TBC1D31: variants seen among roughly 807,000 people sequenced by gnomAD.
The protein encoded by TBC1D31 is TBC1 domain family member 31, also known as WD repeat domain 67.
A neutral mutation model predicts 132.9 loss-of-function variants in TBC1D31; 99 were observed. The observed-to-expected ratio is 0.74, with a 90% CI of 0.63 to 0.88. TBC1D31 has a LOEUF of 0.88. Ranked by LOEUF, TBC1D31 falls within the 40% of genes least tolerant of loss-of-function variation. TBC1D31 has a pLI of 0.00. For synonymous variants in TBC1D31, 385 were observed against 419.4 expected, an observed-to-expected ratio of 0.92 and a Z score of 1.00; for missense variants, 1,134 against 1,256.6, an observed-to-expected ratio of 0.90 and a Z score of 1.48.
At chr8:123,119,279 A>G (rs1444075374) in intron 10 of TBC1D31, among the ~76,000 whole-genome samples, 1 of 152,224 alleles carries the variant, frequency 6.6e-6, no homozygotes, top group Non-Finnish European at 1.5e-5. Flanking sequence ...TTGACTCAGC[A>G]ATTCCACTTT....
At chr8:123,102,348 C>CATTT (rs753744547) in intron 7 of TBC1D31, 81,498 of 415,838 alleles carry the variant, frequency 0.2, 8,356 homozygotes, top group African/African-American at 0.25. Flanking sequence ...TTTGGAGTGG[C>CATTT]GTTTGCCACC....
chr8:123,094,507 CTTTATTTATTTATTTATTTA>C (rs368810398), intron 5 of TBC1D31, among the ~76,000 whole-genome samples: 32 of 148,308 alleles, frequency 2.2e-4, no homozygotes, highest in African/African-American at 7.2e-4. Context: ...TATTATCACA[CTTTATTTATTTATTTATTTA>C]TTTATTTATT....
At chr8:123,150,192 TG>T in intron 21 of TBC1D31, 64 bp downstream of exon 21, 1 of 1,302,344 alleles carries the variant, frequency 7.7e-7, no homozygotes, top group Non-Finnish European at 1.1e-6. Context: ...TAAGCAAAAT[TG>T]TGGCTTAAAT....
intron 6 of TBC1D31, among the ~76,000 whole-genome samples, chr8:123,098,284 C>T (rs181951266): frequency 6.6e-6 from 1 of 152,064 alleles, no homozygotes; most frequent in Non-Finnish European, 1.5e-5. Flanking sequence ...TACAGCCTTG[C>T]ACCTTCTATT....
intron 6 of TBC1D31, among the ~76,000 whole-genome samples, chr8:123,098,262 C>G (rs972012678): frequency 1.3e-5 from 2 of 152,074 alleles, no homozygotes; most frequent in African/African-American, 4.8e-5. Context: ...TTATGTTTTT[C>G]CCATTATTTT....
rs1815350802 is a variant in TBC1D31 at position 123,083,160 on chromosome 8, G to GCTTTT, written c.340+343_340+344insCTTTT. On this transcript the variant is annotated intron_variant, in intron 3 of 21. Coordinates refer to ENST00000287380, the MANE Select transcript of TBC1D31 (RefSeq NM_145647.4). ...GGTGGAATTTGGGAGGCTTCCAAAA[G>GCTTTT]GGAAGCCTCCATTGTCCTCAGGGAT... The GCTTTT allele has an allele frequency of 1.7e-5, 3 of 179,010 alleles. No individual in the cohort carries two copies. The Admixed American group carries it at 1.8e-4, about 11-fold the overall frequency. 11.1% of individuals were successfully genotyped at this position (179,010 alleles called of 1,614,324 possible).
At chr8:123,121,983 C>G (rs1178841305) in intron 11 of TBC1D31, among the ~76,000 whole-genome samples, 3 of 152,120 alleles carry the variant, frequency 2.0e-5, no homozygotes, top group African/African-American at 4.8e-5. Context: ...CAAACCAAAA[C>G]CACAGTGAGA....
chr8:123,141,844 CTTTTTTTTTT>C lies in TBC1D31; in HGVS notation c.2641-396_2641-387del, dbSNP rs1160750679. On this transcript the variant is annotated intron_variant, in intron 18 of 21. Transcript: ENST00000287380. ...GTAAATTAGAGTCACTTGAAGAGCT[CTTTTTTTTTT>C]TTTTTTTTTTTTTTTTTTTTTGTAG... 1.3e-4 allele frequency among the ~76,000 whole-genome samples: 7 copies of C among 52,066 alleles called. No homozygotes were observed. The South Asian group carries it at 5.0e-3, about 37-fold the overall frequency. 34.2% of individuals were successfully genotyped at this position (52,066 alleles called of 152,430 possible).
At chr8:123,081,389 C>G (rs1815132676) in intron 2 of TBC1D31, among the ~76,000 whole-genome samples, 1 of 77,374 alleles carries the variant, frequency 1.3e-5, no homozygotes, top group Admixed American at 1.2e-4. Context: ...CTAGATTGGG[C>G]TCCCAGGAGC....
chr8:123,127,261 A>ATTTTTTTT (rs35198781), intron 13 of TBC1D31, among the ~76,000 whole-genome samples: 4 of 69,926 alleles, frequency 5.7e-5, no homozygotes, highest in African/African-American at 1.2e-4. Context: ...TGCTTTTTGC[A>ATTTTTTTT]TTTTTTTTTT....
intron 10 of TBC1D31, among the ~76,000 whole-genome samples, chr8:123,111,510 A>G (rs1241631997): frequency 1.3e-5 from 2 of 152,220 alleles, no homozygotes; most frequent in Non-Finnish European, 2.9e-5. Flanking sequence ...TTTTCAGTAC[A>G]TAGAACCAGG....
chr8:123,140,733 G>T, intron 17 of TBC1D31, 28 bp from the exon 18 acceptor site: 2 of 1,563,262 alleles, frequency 1.3e-6, no homozygotes, highest in South Asian at 2.3e-5. Flanking sequence ...ATAAATTAGT[G>T]ATTTTTTTTT....
rs201089892 is a variant in TBC1D31, at chr8:123,142,342, A to C, written c.2721A>C (p.Lys907Asn). 85 of 1,611,234 alleles carry C rather than the reference A, an allele frequency of 5.3e-5. No individual in the cohort carries two copies. Among genetic ancestry groups the C allele is most frequent in the Non-Finnish European group, 7.1e-5 (84 of 1,179,068 alleles). Residue 907 changes from lysine to asparagine, a missense_variant, in exon 19 of 22, where the codon AAA becomes AAC. By Grantham distance (94) the Lys-to-Asn change is moderately conservative. Coordinates refer to ENST00000287380, the MANE Select transcript of TBC1D31 (RefSeq NM_145647.4). Reference sequence around the variant, plus strand: ...AGATTCAGTCTTTACATAAACAAAAATGTGATGATCTACAACGAAACAAAT... The same window carrying C: ...AGATTCAGTCTTTACATAAACAAAACTGTGATGATCTACAACGAAACAAAT... ...DWQIQSLHKQ[K>N]CDDLQRNKCY... is the part of the protein sequence containing the mutation.
At chr8:123,111,368 A>G (rs1420323685) in intron 10 of TBC1D31, among the ~76,000 whole-genome samples, 3 of 152,190 alleles carry the variant, frequency 2.0e-5, no homozygotes, top group Non-Finnish European at 4.4e-5. Flanking sequence ...GATACAACCC[A>G]TGTAGGAAAA....
chr8:123,145,604 C>T (rs1037857217), intron 20 of TBC1D31, among the ~76,000 whole-genome samples: 2 of 151,716 alleles, frequency 1.3e-5, no homozygotes, highest in Non-Finnish European at 2.9e-5. Flanking sequence ...GCGAGAGGAT[C>T]TCTTTGAGCC....
chr8:123,159,138 TC>T, the TBC1D31 span, among the ~76,000 whole-genome samples: 1 of 151,736 alleles, frequency 6.6e-6, no homozygotes, highest in African/African-American at 2.4e-5. Flanking sequence ...GCAGATTAAA[TC>T]CCAACGGTCC....
chr8:123,118,667 A>G (rs1819182129), intron 10 of TBC1D31, among the ~76,000 whole-genome samples: 1 of 145,146 alleles, frequency 6.9e-6, no homozygotes. Context: ...ACCAGCCAGT[A>G]AAAAAAAAAA....
At position 123,109,740 on chromosome 8, in the gene TBC1D31, G is replaced by C. The variant is rs562251944; in HGVS notation, c.1436+120G>C. 3.2e-6 allele frequency: 3 copies of C among 946,978 alleles called. No homozygotes were observed. In the African/African-American group the frequency reaches 5.0e-5, roughly 16 times the overall value. 58.7% of individuals were successfully genotyped at this position (946,978 alleles called of 1,614,324 possible). ...TTTGATTATCCTTATGTGATATGTTGGTTTAATTTTAAAAATGTACATGCA... is the reference window on the plus strand; with the variant it reads ...TTTGATTATCCTTATGTGATATGTTCGTTTAATTTTAAAAATGTACATGCA... On this transcript the variant is annotated intron_variant, in intron 10 of 21. Coordinates refer to ENST00000287380, the MANE Select transcript of TBC1D31 (RefSeq NM_145647.4).
At chr8:123,115,442 C>G (rs529276189) in intron 10 of TBC1D31, among the ~76,000 whole-genome samples, 9 of 152,094 alleles carry the variant, frequency 5.9e-5, no homozygotes, top group Non-Finnish European at 1.0e-4. Flanking sequence ...AGTATTGTAT[C>G]GAATAATAAA....
Sources: gnomAD v4.1 joint callset for allele counts (sites outside exome capture counted in the v4.1 genomes callset) on GRCh38, gnomAD v4.1.1 for gene constraint, MANE v1.5 for transcripts, NCBI Gene and HGNC (gene_info 2026-07-23, HGNC 2026-07-21) for gene names.